Variants in NDUFS2 observed in about 807,000 individuals in gnomAD.
NDUFS2 encodes the protein NADH dehydrogenase [ubiquinone] iron-sulfur protein 2, mitochondrial.
NDUFS2 carries 38 observed loss-of-function variants against 69.6 expected under a neutral mutation model. The ratio of observed to expected loss-of-function variants is 0.55; its 90% confidence interval spans 0.42 to 0.72. The LOEUF (loss-of-function observed/expected upper bound fraction) is 0.72, where lower values mean the gene tolerates loss of function less well. Ranked by LOEUF, NDUFS2 falls within the 30% of genes least tolerant of loss-of-function variation. The pLI is 0.00. For missense variants in NDUFS2, 468 were observed against 595.0 expected (o/e 0.79, Z 2.22); for synonymous variants, 194 against 211.2 (o/e 0.92, Z 0.70).
chr1:161,202,532 A>C, intron 1 of NDUFS2, 52 bp downstream of exon 1: 195 of 1,520,018 alleles, frequency 1.3e-4, no homozygotes, highest in Middle Eastern at 5.1e-4. Flanking sequence ...AGGGTTTCTC[A>C]GGTTGGGGAC....
At chr1:161,202,638 G>C (rs879393718) in intron 1 of NDUFS2, among the ~76,000 whole-genome samples, 158 bp downstream of exon 1, 3 of 152,206 alleles carry the variant, frequency 2.0e-5, no homozygotes, top group Non-Finnish European at 2.9e-5. Flanking sequence ...CCACTCTGGC[G>C]AGGGAGGGGA....
At chr1:161,212,042 C>T (rs1280416577) in intron 9 of NDUFS2, among the ~76,000 whole-genome samples, 4 of 151,914 alleles carry the variant, frequency 2.6e-5, no homozygotes, top group Non-Finnish European at 5.9e-5. Context: ...AGTGAAACCT[C>T]GTCTCTACAA....
intron 12 of NDUFS2, 65 bp from the exon 13 acceptor site, chr1:161,213,799 A>T (rs1665902806): frequency 6.2e-7 from 1 of 1,612,100 alleles, no homozygotes; most frequent in South Asian, 1.1e-5. Context: ...GGTTTTTATG[A>T]ACTCTTCTTT....
In NDUFS2 at chr1:161,210,631, C is replaced by T. The variant is rs1488961543; in HGVS notation, c.907C>T (p.Arg303Trp). 6.2e-7 allele frequency: 1 copy of T among 1,614,098 alleles called. No individual in the cohort carries two copies. Among genetic ancestry groups the T allele is most frequent in the Non-Finnish European group, 8.5e-7 (1 of 1,179,994 alleles). The change falls in exon 9 of 14, where the codon CGG (arginine) becomes TGG (tryptophan). Residue 303 changes from arginine (R) to tryptophan (W), a missense_variant. Arg to Trp is a moderately radical substitution (Grantham distance 101). Around this residue, in one of 3 missense-constraint regions of NDUFS2, gnomAD observed 339 missense variants for 433.8 expected, o/e 0.78. Transcript: ENST00000676972. ...GGGCTCAGGCATCCAGTGGGACCTG[C>T]GGAAGACCCAGCCCTATGATGTTTA... is the stretch of plus-strand genomic sequence containing the variant. ...LRGSGIQWDL[R>W]KTQPYDVYDQ...
At chr1:161,210,047 G>A in intron 6 of NDUFS2, 64 bp from the exon 7 acceptor site, 1 of 1,588,682 alleles carries the variant, frequency 6.3e-7, no homozygotes, top group Non-Finnish European at 8.6e-7. Context: ...GGGAGGGGGT[G>A]CTGAGAGGGC....
intron 13 of NDUFS2, 82 bp from the exon 14 acceptor site, chr1:161,214,074 G>C: frequency 6.2e-7 from 1 of 1,613,412 alleles, no homozygotes; most frequent in Non-Finnish European, 8.5e-7. Flanking sequence ...CTGGATCTTG[G>C]GTAACACCAC....
At position 161,212,385 on chromosome 1, in the gene NDUFS2, C is replaced by T; in HGVS notation, c.1021C>T (p.Leu341=). The T allele has an allele frequency of 1.9e-6, 3 of 1,613,742 alleles. No homozygotes were observed. Among genetic ancestry groups the T allele is most frequent in the Non-Finnish European group, 2.5e-6 (3 of 1,179,816 alleles). Reference sequence around the variant, plus strand: ...CCGGGTGGAGGAGATGCGCCAGTCCCTGAGAATTATCGCACAGTGTCTAAA... The same window carrying T: ...CCGGGTGGAGGAGATGCGCCAGTCCTTGAGAATTATCGCACAGTGTCTAAA... ...LCRVEEMRQS[L]RIIAQCLNKM... is the part of the protein sequence containing the mutation. The change falls in exon 10 of 14, where the codon CTG becomes TTG. Residue 341 remains leucine (L), a synonymous_variant. Coordinates refer to ENST00000676972, the MANE Select transcript of NDUFS2 (RefSeq NM_001377299.1).
At chr1:161,204,936 A>G (rs775139446) in intron 2 of NDUFS2, among the ~76,000 whole-genome samples, 1 of 152,080 alleles carries the variant, frequency 6.6e-6, no homozygotes, top group Non-Finnish European at 1.5e-5. Flanking sequence ...CTGTAATTCT[A>G]GCTACTCAGG....
chr1:161,197,934 G>C (rs1487964079), upstream of NDUFS2: 75 of 1,511,276 alleles, frequency 5.0e-5, no homozygotes, highest in Admixed American at 6.8e-5. Context: ...GGGTGAATAG[G>C]GGTCAGTAGG....
Position 161,206,465 on chromosome 1 carries a change from A to G in NDUFS2, c.261A>G (p.Gln87=), listed in dbSNP as rs562403296. 1.2e-5 allele frequency: 20 copies of G among 1,614,288 alleles called. No individual in the cohort carries two copies. The South Asian group carries it at 1.4e-4, about 12-fold the overall frequency. ...VKNITLNFGP[Q]HPAAHGVLRL... ...ACATTACCCTGAACTTTGGGCCCCA[A>G]CACCCAGCAGCGCATGGTGTCCTGC... Residue 87 remains glutamine, a synonymous_variant, in exon 3 of 14, where the codon CAA becomes CAG. Transcript: ENST00000676972.
chr1:161,201,155 C>T (rs756162344), upstream of NDUFS2, among the ~76,000 whole-genome samples: 6 of 152,246 alleles, frequency 3.9e-5, no homozygotes, highest in Non-Finnish European at 8.8e-5. Flanking sequence ...GTGGCAGCTG[C>T]CTTGTCTAGC....
At position 161,206,575 on chromosome 1, in the gene NDUFS2, T is replaced by C. The variant is rs1483044353; in HGVS notation, c.371T>C (p.Ile124Thr). Reference sequence around the variant, plus strand: ...CTGCACCGAGGCACTGAGAAGCTCATTGAATACAAGACCTATCTTCAGGTG... The same window carrying C: ...CTGCACCGAGGCACTGAGAAGCTCACTGAATACAAGACCTATCTTCAGGTG... ...GLLHRGTEKL[I>T]EYKTYLQALP... Residue 124 changes from isoleucine to threonine, a missense_variant, in exon 3 of 14, where the codon ATT becomes ACT. Transcript: ENST00000676972. 1.9e-6 allele frequency: 3 copies of C among 1,613,840 alleles called. No homozygotes were observed. The highest frequency in any genetic ancestry group is 1.7e-6 in the Non-Finnish European group (2 of 1,180,006).
In NDUFS2 at chr1:161,209,178, C is replaced by T. The variant is rs1665633343; in HGVS notation, c.394-15C>T. 1 of 1,614,174 alleles carries T rather than the reference C, an allele frequency of 6.2e-7. No homozygotes were observed. The highest frequency in any genetic ancestry group is 8.5e-7 in the Non-Finnish European group (1 of 1,180,028). On this transcript the variant is annotated splice_polypyrimidine_tract_variant and intron_variant, in intron 3 of 13. Transcript: ENST00000676972. ...GAGCCTGTTAGATGTGACCCACATT[C>T]CTCCCTCTTCCCAGGCCCTTCCATA...
chr1:161,213,958 A>G lies in NDUFS2; in HGVS notation c.1354+37A>G, dbSNP rs376119625. 3.4e-5 allele frequency: 55 copies of G among 1,614,018 alleles called. No individual in the cohort carries two copies. Among genetic ancestry groups the G allele is most frequent in the Non-Finnish European group, 4.3e-5 (51 of 1,179,992 alleles). On this transcript the variant is annotated intron_variant, in intron 13 of 13. Coordinates refer to ENST00000676972, the MANE Select transcript of NDUFS2 (RefSeq NM_001377299.1). ...ATTGTGTAGTAGAGGTATCCTAGAC[A>G]AAGGAGTTCGGGACGCCCACTGGGG... is the stretch of plus-strand genomic sequence containing the variant.
rs536601905 is a variant in NDUFS2 at position 161,209,676 on chromosome 1, G to A, written c.627+81G>A. 1.6e-4 allele frequency: 212 copies of A among 1,302,668 alleles called. No individual in the cohort carries two copies. The African/African-American group carries it at 2.8e-3, about 17-fold the overall frequency. The allele number at this position is 1,302,668 out of a possible 1,614,324, so 80.7% of individuals were successfully genotyped here. On this transcript the variant is annotated intron_variant, in intron 5 of 13. Coordinates refer to ENST00000676972, the MANE Select transcript of NDUFS2 (RefSeq NM_001377299.1). ...GTATAAAGGAGACAGGAGATTAAAAGAAGAGAGAGAACATGGGAGAACATT... is the reference window on the plus strand; with the variant it reads ...GTATAAAGGAGACAGGAGATTAAAAAAAGAGAGAGAACATGGGAGAACATT...
chr1:161,198,610 C>A, upstream of NDUFS2: 1 of 1,530,624 alleles, frequency 6.5e-7, no homozygotes, highest in East Asian at 2.4e-5. The surrounding 1 kb of genome is among the most constrained non-coding windows in gnomAD (Gnocchi z 4.7). Flanking sequence ...TCCCGGGATG[C>A]GAGCCTGTCT....
intron 7 of NDUFS2, 28 bp from the exon 8 acceptor site, chr1:161,210,276 T>C: frequency 6.2e-7 from 1 of 1,611,104 alleles, no homozygotes; most frequent in Non-Finnish European, 8.5e-7. Flanking sequence ...AGGAAGAGTA[T>C]TAACACACCA....
chr1:161,213,868 G>A lies in NDUFS2; in HGVS notation c.1301G>A (p.Gly434Asp), dbSNP rs1483832340. ...IKAPGFAHLA[G>D]LDKMSKGHML... Reference sequence around the variant, plus strand: ...TTGCCATCTCAATCTCCCTAGGCTGGTTTGGACAAGATGTCTAAGGGACAC... The same window carrying A: ...TTGCCATCTCAATCTCCCTAGGCTGATTTGGACAAGATGTCTAAGGGACAC... The change falls in exon 13 of 14, where the codon GGT becomes GAT. Residue 434 changes from glycine to aspartate, a missense_variant. Around this residue, in one of 3 missense-constraint regions of NDUFS2, gnomAD observed 72 missense variants for 118.9 expected, o/e 0.61. Transcript: ENST00000676972. 6.2e-7 allele frequency: 1 copy of A among 1,614,070 alleles called. No individual in the cohort carries two copies. Among genetic ancestry groups the A allele is most frequent in the Non-Finnish European group, 8.5e-7 (1 of 1,180,044 alleles).
upstream of NDUFS2, chr1:161,198,280 A>G (rs772652597): frequency 2.5e-6 from 4 of 1,613,706 alleles, no homozygotes; most frequent in Non-Finnish European, 2.5e-6. This position sits in a 1 kb window ranked among gnomAD's most constrained non-coding sequence, Gnocchi z 4.7. Context: ...CCAGCAGCTC[A>G]GGCGCCTGGC....
Sources: gnomAD v4.1 joint callset for allele counts (sites outside exome capture counted in the v4.1 genomes callset) on GRCh38, gnomAD v4.1.1 for gene constraint, gnomAD v4.1.1 regional missense constraint, Gnocchi (gnomAD v3.1) non-coding constraint, MANE v1.5 for transcripts, NCBI Gene and HGNC (gene_info 2026-07-23, HGNC 2026-07-21) for gene names.